ALG8: variants seen among roughly 807,000 people sequenced by gnomAD.
ALG8 encodes the protein dolichyl pyrophosphate Glc1Man9GlcNAc2 alpha-1,3-glucosyltransferase.
A neutral mutation model predicts 70.2 loss-of-function variants in ALG8; 48 were observed. The observed-to-expected ratio is 0.68, with a 90% CI of 0.54 to 0.87. The LOEUF (loss-of-function observed/expected upper bound fraction) is 0.87, where lower values mean the gene tolerates loss of function less well. Among genes scored for constraint, ALG8 ranks in the 40% least tolerant of loss-of-function variants. The pLI is 0.00. For missense variants in ALG8, 572 were observed against 608.7 expected (o/e 0.94, Z 0.64); for synonymous variants, 234 against 229.0 (o/e 1.02, Z -0.20).
At chr11:78,136,769 C>A (rs1428250163) in intron 1 of ALG8, among the ~76,000 whole-genome samples, 1 of 152,164 alleles carries the variant, frequency 6.6e-6, no homozygotes, top group Non-Finnish European at 1.5e-5. Context: ...TTTCTTCTAC[C>A]TTGAAAACCT....
chr11:78,108,169 A>G (rs901278287), intron 9 of ALG8, among the ~76,000 whole-genome samples: 4 of 152,084 alleles, frequency 2.6e-5, no homozygotes, highest in Non-Finnish European at 5.9e-5. Flanking sequence ...AGTTCCAGCT[A>G]CTCAGGAGGC....
intron 1 of ALG8, among the ~76,000 whole-genome samples, chr11:78,130,290 A>G (rs1189605152): frequency 7.5e-6 from 1 of 133,310 alleles, no homozygotes; most frequent in Non-Finnish European, 1.6e-5. Context: ...CTGAGGCTAC[A>G]GTGAGCCAAG....
chr11:78,122,342 AT>A (rs375214398), intron 3 of ALG8, among the ~76,000 whole-genome samples: 378 of 138,868 alleles, frequency 2.7e-3, no homozygotes, highest in Middle Eastern at 3.8e-3. Context: ...AGAGATTTCA[AT>A]TTTTTTTTTT....
At chr11:78,118,745 C>T (rs1860693961) in intron 5 of ALG8, among the ~76,000 whole-genome samples, 1 of 151,872 alleles carries the variant, frequency 6.6e-6, no homozygotes, top group Non-Finnish European at 1.5e-5. Flanking sequence ...GGAGTTCGAG[C>T]CAACATGGCA....
chr11:78,139,489 C>G lies in ALG8; in HGVS notation c.95+5G>C. 1 of 1,555,744 alleles carries G rather than the reference C, an allele frequency of 6.4e-7. No individual in the cohort carries two copies. Among genetic ancestry groups the G allele is most frequent in the Admixed American group, 1.9e-5 (1 of 51,418 alleles). On this transcript the variant is annotated splice_donor_5th_base_variant and intron_variant, in intron 1 of 12. Coordinates refer to ENST00000299626, the MANE Select transcript of ALG8 (RefSeq NM_024079.5). ...GCCCAGCCCCTGGCCGTGCGAGTCC[C>G]TTACTATGTGGGGATGAGAAGGCAT...
intron 9 of ALG8, chr11:78,107,703 G>A (rs116927563): frequency 1.0e-3 from 221 of 211,392 alleles, no homozygotes; most frequent in African/African-American, 5.0e-3. Flanking sequence ...CTAGCTGGGC[G>A]TGGTGGTACA....
Position 78,123,948 on chromosome 11 carries a change from G to A in ALG8, c.368+73C>T, listed in dbSNP as rs498278. The A allele has an allele frequency of 0.17, 263,125 of 1,513,292 alleles. 25,708 individuals carry two copies. The highest frequency in any genetic ancestry group is 0.39 in the African/African-American group (28,107 of 72,842). 93.7% of individuals were successfully genotyped at this position (1,513,292 alleles called of 1,614,324 possible). ...AAACTTTGTTCCTCCTAAATTGGGA[G>A]TAAGTTAATACTACTTAACACTGTA... On this transcript the variant is annotated intron_variant, in intron 3 of 12. Transcript: ENST00000299626.
At chr11:78,104,332 T>C in intron 11 of ALG8, 24 bp downstream of exon 11, 2 of 1,544,956 alleles carry the variant, frequency 1.3e-6, no homozygotes, top group Non-Finnish European at 1.7e-6. Context: ...GTCAAATATA[T>C]TTTTCTCAGA....
intron 2 of ALG8, among the ~76,000 whole-genome samples, chr11:78,125,592 C>G (rs541800634): frequency 6.8e-6 from 1 of 147,276 alleles, no homozygotes; most frequent in South Asian, 2.2e-4. Context: ...GTGGTGAAAC[C>G]CTGTCTCTAC....
intron 9 of ALG8, 62 bp downstream of exon 9, chr11:78,109,380 C>T: frequency 6.2e-7 from 1 of 1,605,740 alleles, no homozygotes; most frequent in Non-Finnish European, 8.5e-7. Flanking sequence ...GAAATTTAAT[C>T]AGCCAGACAA....
intron 1 of ALG8, among the ~76,000 whole-genome samples, chr11:78,136,340 C>A (rs1221582157): frequency 6.6e-6 from 1 of 151,038 alleles, no homozygotes; most frequent in African/African-American, 2.4e-5. Flanking sequence ...AAAACACACA[C>A]ATATAGATAG....
chr11:78,128,872 C>A (rs1287411613), intron 1 of ALG8, among the ~76,000 whole-genome samples: 1 of 151,714 alleles, frequency 6.6e-6, no homozygotes, highest in Non-Finnish European at 1.5e-5. Flanking sequence ...CCTCGGCCTC[C>A]CAAAGTGCTG....
intron 12 of ALG8, chr11:78,103,589 T>C (rs149095145): frequency 0.018 from 2,952 of 167,506 alleles, 101 homozygotes; most frequent in African/African-American, 0.068. Context: ...GATCACGCCA[T>C]TGCCCTCCAG....
At chr11:78,123,908 C>A in intron 3 of ALG8, 113 bp downstream of exon 3, 1 of 1,174,234 alleles carries the variant, frequency 8.5e-7, no homozygotes. Flanking sequence ...ATTGTTTTAG[C>A]ATTTGCTATC....
At chr11:78,106,413 A>T (rs965289999) in intron 10 of ALG8, among the ~76,000 whole-genome samples, 1 of 152,044 alleles carries the variant, frequency 6.6e-6, no homozygotes, top group South Asian at 2.1e-4. Context: ...TAGCCAGGAT[A>T]GTCTCGATCT....
chr11:78,109,347 A>C, intron 9 of ALG8, 95 bp downstream of exon 9: 2 of 1,520,528 alleles, frequency 1.3e-6, no homozygotes, highest in Non-Finnish European at 1.8e-6. Context: ...AATTTATCCT[A>C]CAGTTGGAAG....
intron 1 of ALG8, chr11:78,138,759 G>C (rs1054352191): frequency 1.4e-4 from 66 of 456,200 alleles, no homozygotes; most frequent in African/African-American, 1.3e-3. Flanking sequence ...CACGCTTTCA[G>C]TCTTGGCCCT....
Position 78,111,933 on chromosome 11 carries a change from G to C in ALG8, c.898+717C>G, listed in dbSNP as rs1009571592. 6.3e-4 allele frequency among the ~76,000 whole-genome samples: 96 copies of C among 152,116 alleles called. 1 individual carries two copies. The highest frequency in any genetic ancestry group is 3.9e-4 in the East Asian group (2 of 5,182). On this transcript the variant is annotated intron_variant, in intron 8 of 12. Transcript: ENST00000299626. Reference sequence around the variant, plus strand: ...TTATTTTCCTTACTGGTTTAATACCGAGAGTCACAACTTACATATTCTTCT... The same window carrying C: ...TTATTTTCCTTACTGGTTTAATACCCAGAGTCACAACTTACATATTCTTCT...
chr11:78,112,555 C>A (rs1860338477), intron 8 of ALG8, 95 bp downstream of exon 8: 3 of 1,564,878 alleles, frequency 1.9e-6, no homozygotes, highest in Non-Finnish European at 8.7e-7. Context: ...ACAAACAATT[C>A]AGCCACATTC....
Sources: gnomAD v4.1 joint callset for allele counts (sites outside exome capture counted in the v4.1 genomes callset) on GRCh38, gnomAD v4.1.1 for gene constraint, MANE v1.5 for transcripts, NCBI Gene and HGNC (gene_info 2026-07-23, HGNC 2026-07-21) for gene names.